Variants in COL25A1 observed in about 807,000 individuals in gnomAD.
The protein encoded by COL25A1 is collagen alpha-1(XXV) chain.
In COL25A1, 103 loss-of-function variants were observed where a neutral mutation model predicts 128.4. That is an observed-to-expected ratio of 0.80 (90% CI 0.68 to 0.94). The LOEUF is 0.94. Ranked by LOEUF, COL25A1 falls within the 40% of genes least tolerant of loss-of-function variation. The probability of loss-of-function intolerance (pLI) is 0.00; values close to 1 mark genes in which losing one functional copy is unlikely to be tolerated. For missense variants in COL25A1, 745 were observed against 840.0 expected (o/e 0.89, Z 1.40); for synonymous variants, 279 against 277.2 (o/e 1.01, Z -0.06).
chr4:108,943,548 G>A (rs1283664631), intron 8 of COL25A1, among the ~76,000 whole-genome samples: 1 of 152,138 alleles, frequency 6.6e-6, no homozygotes, highest in Non-Finnish European at 1.5e-5. Flanking sequence ...TCATGTCAGG[G>A]GGATTTATGG....
At chr4:109,046,532 A>C (rs1270219990) in intron 5 of COL25A1, among the ~76,000 whole-genome samples, 1 of 152,210 alleles carries the variant, frequency 6.6e-6, no homozygotes, top group Non-Finnish European at 1.5e-5. Flanking sequence ...TCTGGGTAGT[A>C]GTGGTTTGTT....
rs1433430022 is a variant in COL25A1 at position 108,889,219 on chromosome 4, A to G, written c.975+2T>C. ...GGAACACACTAGAGATAGAGATATT[A>G]CCTTTTGCCCTGGACGACCAGATTC... is the stretch of plus-strand genomic sequence containing the variant. On this transcript the variant is annotated splice_donor_variant, in intron 18 of 37. Transcript: ENST00000399132. LOFTEE classifies it high-confidence loss of function. 6.2e-7 allele frequency: 1 copy of G among 1,613,020 alleles called. No individual in the cohort carries two copies. Among genetic ancestry groups the G allele is most frequent in the South Asian group, 1.1e-5 (1 of 91,044 alleles).
intron 24 of COL25A1, among the ~76,000 whole-genome samples, chr4:108,858,351 A>C (rs1736762963): frequency 6.6e-6 from 1 of 152,074 alleles, no homozygotes; most frequent in African/African-American, 2.4e-5. Flanking sequence ...GGCATGAAGT[A>C]AACAGGATGT....
intron 6 of COL25A1, among the ~76,000 whole-genome samples, chr4:108,983,561 T>C (rs947003080): frequency 2.4e-4 from 36 of 152,218 alleles, no homozygotes; most frequent in African/African-American, 9.6e-5. Context: ...GGTGGGTTCT[T>C]GGTCTCACTG....
chr4:109,292,190 C>T (rs894916544), intron 3 of COL25A1, among the ~76,000 whole-genome samples: 3 of 152,008 alleles, frequency 2.0e-5, no homozygotes, highest in Non-Finnish European at 4.4e-5. Flanking sequence ...CTTCTGCCTG[C>T]TCTAGTCTCT....
At chr4:108,942,834 G>A (rs1748296496) in intron 8 of COL25A1, among the ~76,000 whole-genome samples, 2 of 135,554 alleles carry the variant, frequency 1.5e-5, no homozygotes, top group South Asian at 4.5e-4. Context: ...TCAGCTCACT[G>A]AAGCCTCTGC....
intron 9 of COL25A1, among the ~76,000 whole-genome samples, chr4:108,940,958 A>G (rs1196907780): frequency 6.6e-6 from 1 of 152,230 alleles, no homozygotes; most frequent in South Asian, 2.1e-4. Context: ...CTTTATCCAT[A>G]ACAACACTGC....
chr4:109,019,522 C>G (rs1757534104), intron 5 of COL25A1, among the ~76,000 whole-genome samples: 2 of 151,700 alleles, frequency 1.3e-5, no homozygotes, highest in Admixed American at 1.3e-4. Flanking sequence ...AGGAAACTTA[C>G]AATCATGGTA....
intron 3 of COL25A1, among the ~76,000 whole-genome samples, chr4:109,148,208 T>C (rs1234441051): frequency 6.6e-6 from 1 of 152,188 alleles, no homozygotes; most frequent in Non-Finnish European, 1.5e-5. Flanking sequence ...AGTCATAGCA[T>C]CTAGAACTTT....
At chr4:109,289,662 G>A (rs1724267812) in intron 3 of COL25A1, among the ~76,000 whole-genome samples, 1 of 152,056 alleles carries the variant, frequency 6.6e-6, no homozygotes, top group Non-Finnish European at 1.5e-5. Flanking sequence ...ACAGAATGGA[G>A]GCAAAATAGG....
chr4:108,991,089 T>A (rs28444171), intron 6 of COL25A1, among the ~76,000 whole-genome samples: 97,635 of 152,074 alleles, frequency 0.64, 31,975 homozygotes, highest in Non-Finnish European at 0.72. Context: ...TAGCTCAGTA[T>A]TGTATAAAGA....
At chr4:109,158,908 T>C (rs1440223697) in intron 3 of COL25A1, among the ~76,000 whole-genome samples, 2 of 152,190 alleles carry the variant, frequency 1.3e-5, no homozygotes, top group African/African-American at 2.4e-5. Flanking sequence ...GAGTCTCTTA[T>C]AACACTCTAA....
chr4:109,224,464 G>T (rs1778645536), intron 3 of COL25A1, among the ~76,000 whole-genome samples: 1 of 152,002 alleles, frequency 6.6e-6, no homozygotes, highest in African/African-American at 2.4e-5. Context: ...TCATCTGGGA[G>T]TTTGTCTATA....
At chr4:108,870,136 G>C (rs376928584) in intron 19 of COL25A1, among the ~76,000 whole-genome samples, 3 of 151,972 alleles carry the variant, frequency 2.0e-5, no homozygotes, top group Non-Finnish European at 4.4e-5. Flanking sequence ...CGAGCCTGTC[G>C]TCCCAGCTAC....
chr4:108,912,738 G>C (rs568922685), intron 13 of COL25A1, among the ~76,000 whole-genome samples: 1 of 152,242 alleles, frequency 6.6e-6, no homozygotes, highest in East Asian at 1.9e-4. Flanking sequence ...GCATAGACTT[G>C]ACTCAATGGC....
intron 3 of COL25A1, among the ~76,000 whole-genome samples, chr4:109,265,222 C>T (rs111906939): frequency 2.6e-4 from 40 of 152,272 alleles, no homozygotes; most frequent in African/African-American, 8.9e-4. Flanking sequence ...TCTGTTTTAA[C>T]TCTCCTATTC....
In COL25A1 at chr4:108,825,193, T is replaced by C. The variant is rs201900551; in HGVS notation, c.1791+3A>G. On this transcript the variant is annotated splice_donor_region_variant and intron_variant, in intron 34 of 37. Coordinates refer to ENST00000399132, the MANE Select transcript of COL25A1 (RefSeq NM_198721.4). ...GATGATGTTTATTGTACTTATTACTTACATCAAGACCAGGCTCTCCATCTT... is the reference window on the plus strand; with the variant it reads ...GATGATGTTTATTGTACTTATTACTCACATCAAGACCAGGCTCTCCATCTT... 2.5e-6 allele frequency: 4 copies of C among 1,608,274 alleles called. No homozygotes were observed. Among genetic ancestry groups the C allele is most frequent in the Non-Finnish European group, 3.4e-6 (4 of 1,175,098 alleles).
intron 3 of COL25A1, among the ~76,000 whole-genome samples, chr4:109,284,522 T>C (rs1723685767): frequency 6.6e-6 from 1 of 152,208 alleles, no homozygotes; most frequent in African/African-American, 2.4e-5. Context: ...AATGGATCAC[T>C]GTAAAAATGC....
chr4:108,928,198 T>C (rs1405143), intron 11 of COL25A1, among the ~76,000 whole-genome samples: 34,324 of 152,178 alleles, frequency 0.23, 4,193 homozygotes, highest in African/African-American at 0.29. Flanking sequence ...AATATTTCCA[T>C]TGAGCAGTGT....
Sources: gnomAD v4.1 joint callset for allele counts (sites outside exome capture counted in the v4.1 genomes callset) on GRCh38, gnomAD v4.1.1 for gene constraint, MANE v1.5 for transcripts, NCBI Gene and HGNC (gene_info 2026-07-23, HGNC 2026-07-21) for gene names.